UGT1A9: variants seen among roughly 807,000 people sequenced by gnomAD.
UGT1A9 encodes the protein UDP glucuronosyltransferase family 1 member A9.
In UGT1A9, 35 loss-of-function variants were observed where a neutral mutation model predicts 45.0. The ratio of observed to expected loss-of-function variants is 0.78; its 90% CI spans 0.59 to 1.03. The LOEUF is 1.03. Ranked by LOEUF, UGT1A9 falls within the 50% of genes least tolerant of loss-of-function variation. The pLI is 0.00. For synonymous variants in UGT1A9, 278 were observed against 250.6 expected, an observed-to-expected ratio of 1.11 and a Z score of -1.03; for missense variants, 687 against 666.6, an observed-to-expected ratio of 1.03 and a Z score of -0.34.
At chr2:233,760,186 C>G (rs1697340087) in intron 1 of UGT1A9, 1 of 1,558,442 alleles carries the variant, frequency 6.4e-7, no homozygotes, top group Admixed American at 1.8e-5. Flanking sequence ...TTTTTATAGT[C>G]ACGTGACACA....
chr2:233,723,946 G>C (rs1413540924), intron 1 of UGT1A9, among the ~76,000 whole-genome samples: 2 of 53,094 alleles, frequency 3.8e-5, no homozygotes, highest in Non-Finnish European at 6.6e-5. Flanking sequence ...ACACAGACAC[G>C]GCAACCATCC....
chr2:233,673,554 T>G (rs1393470534), intron 1 of UGT1A9, among the ~76,000 whole-genome samples: 4 of 152,064 alleles, frequency 2.6e-5, no homozygotes, highest in Non-Finnish European at 4.4e-5. Context: ...GGATTGGCAT[T>G]TTTTTGCTAT....
At chr2:233,722,148 A>T (rs2076994067) in intron 1 of UGT1A9, 1 of 162,512 alleles carries the variant, frequency 6.2e-6, no homozygotes, top group Non-Finnish European at 1.3e-5. Flanking sequence ...CTCCTGCAGG[A>T]CAAGATGTGT....
chr2:233,697,232 TTTTA>T (rs1162508467), intron 1 of UGT1A9, among the ~76,000 whole-genome samples: 1 of 152,140 alleles, frequency 6.6e-6, no homozygotes, highest in Non-Finnish European at 1.5e-5. Context: ...ATGAGAGACT[TTTTA>T]TTACTGCTTC....
chr2:233,704,789 A>G (rs1240438635), intron 1 of UGT1A9, among the ~76,000 whole-genome samples: 1 of 152,186 alleles, frequency 6.6e-6, no homozygotes, highest in East Asian at 1.9e-4. Context: ...TAGTCCCAAC[A>G]ATATAATTAT....
At chr2:233,757,428 A>G (rs987166652) in intron 1 of UGT1A9, among the ~76,000 whole-genome samples, 8 of 151,196 alleles carry the variant, frequency 5.3e-5, no homozygotes, top group South Asian at 2.1e-4. Flanking sequence ...AAGAGAAGAA[A>G]AGTCACTTCT....
rs74792728 is a variant in UGT1A9 at position 233,697,391 on chromosome 2, T to A, written c.855+24602T>A. Among the ~76,000 whole-genome samples the A allele has an allele frequency of 6.1e-3, 934 of 152,218 alleles. 11 individuals carry two copies. Among genetic ancestry groups the A allele is most frequent in the African/African-American group, 0.021 (887 of 41,568 alleles). ...TAGAGTTCACAATAATCGCTAATGA[T>A]CCTTTGTATTTCTGTGGTGTCAGTT... is the stretch of plus-strand genomic sequence containing the variant. On this transcript the variant is annotated intron_variant, in intron 1 of 4. Coordinates refer to ENST00000354728, the MANE Select transcript of UGT1A9 (RefSeq NM_021027.3).
chr2:233,772,145 G>A, intron 4 of UGT1A9, 117 bp from the exon 5 acceptor site: 1 of 1,552,040 alleles, frequency 6.4e-7, no homozygotes, highest in Non-Finnish European at 8.7e-7. Flanking sequence ...AATAGAAACA[G>A]GTTTCCTTTC....
chr2:233,703,131 T>C (rs189915613), intron 1 of UGT1A9, among the ~76,000 whole-genome samples: 2 of 152,336 alleles, frequency 1.3e-5, no homozygotes, highest in East Asian at 1.9e-4. Flanking sequence ...TTACCTGTTA[T>C]GGCTTTATTT....
In UGT1A9 at chr2:233,772,586, T is replaced by C. The variant is rs370727977; in HGVS notation, c.*27T>C. The C allele has an allele frequency of 3.7e-6, 6 of 1,604,570 alleles. No individual in the cohort carries two copies. The highest frequency in any genetic ancestry group is 5.1e-6 in the Non-Finnish European group (6 of 1,175,016). On this transcript the variant is annotated 3_prime_UTR_variant, in exon 5 of 5. Coordinates refer to ENST00000354728, the MANE Select transcript of UGT1A9 (RefSeq NM_021027.3). Reference sequence around the variant, plus strand: ...AAGTGGGTGGGAAATAAGGTAAAATTTTGAACCATTCCCTAGTCATTTCCA... The same window carrying C: ...AAGTGGGTGGGAAATAAGGTAAAATCTTGAACCATTCCCTAGTCATTTCCA...
intron 1 of UGT1A9, among the ~76,000 whole-genome samples, chr2:233,761,639 G>A (rs1340532947): frequency 3.9e-5 from 6 of 152,230 alleles, no homozygotes; most frequent in Non-Finnish European, 5.9e-5. Context: ...CCTGCAGTCC[G>A]TTCTCTTCTA....
intron 1 of UGT1A9, among the ~76,000 whole-genome samples, chr2:233,700,626 G>C (rs1477114109): frequency 6.6e-6 from 1 of 152,038 alleles, no homozygotes; most frequent in African/African-American, 2.4e-5. Flanking sequence ...GTTCCAGTAA[G>C]ATTTAATGAC....
Position 233,772,266 on chromosome 2 carries a change from AAGG to A in UGT1A9, c.1303_1305del (p.Glu435del). ...CGAAACTGTCTTTGTGTTTAGTTAC[AAGG>A]AGAACATCATGCGCCTCTCCAGCCT... is the stretch of plus-strand genomic sequence containing the variant. On this transcript the variant is annotated inframe_deletion, in exon 5 of 5. Coordinates refer to ENST00000354728, the MANE Select transcript of UGT1A9 (RefSeq NM_021027.3). 1 of 1,614,262 alleles carries A rather than the reference AAGG, an allele frequency of 6.2e-7. No homozygotes were observed. The highest frequency in any genetic ancestry group is 8.5e-7 in the Non-Finnish European group (1 of 1,180,048).
intron 1 of UGT1A9, among the ~76,000 whole-genome samples, chr2:233,697,492 TTTTG>T (rs1207342841): frequency 3.2e-4 from 49 of 151,868 alleles, no homozygotes; most frequent in African/African-American, 9.4e-4. Flanking sequence ...GGTTTGCCAA[TTTTG>T]TTTATCTTTT....
intron 1 of UGT1A9, chr2:233,750,470 T>A (rs1412262508): frequency 6.6e-6 from 1 of 151,972 alleles, no homozygotes; most frequent in Non-Finnish European, 1.5e-5. Context: ...AAATACTGGC[T>A]ATAGAAATTT....
At chr2:233,693,328 TCAGA>T (rs1300853040) in intron 1 of UGT1A9, 5 of 1,614,230 alleles carry the variant, frequency 3.1e-6, no homozygotes, top group Admixed American at 1.7e-5. Flanking sequence ...TAACTGCTCC[TCAGA>T]CAGAGTACAG....
At chr2:233,721,705 T>G in intron 1 of UGT1A9, 1 of 371,450 alleles carries the variant, frequency 2.7e-6, no homozygotes, top group South Asian at 2.1e-5. Flanking sequence ...ATGGCTCATC[T>G]TGGATGCTTT....
At chr2:233,716,325 T>G (rs1422472353) in intron 1 of UGT1A9, among the ~76,000 whole-genome samples, 1 of 152,228 alleles carries the variant, frequency 6.6e-6, no homozygotes, top group East Asian at 1.9e-4. Flanking sequence ...ATGGAATATA[T>G]TCCCAGGTTT....
chr2:233,760,180 T>A, intron 1 of UGT1A9: 1 of 1,548,272 alleles, frequency 6.5e-7, no homozygotes, highest in Non-Finnish European at 8.7e-7. Context: ...GACAGCTTTT[T>A]ATAGTCACGT....
Sources: gnomAD v4.1 joint callset for allele counts (sites outside exome capture counted in the v4.1 genomes callset) on GRCh38, gnomAD v4.1.1 for gene constraint, MANE v1.5 for transcripts, NCBI Gene and HGNC (gene_info 2026-07-23, HGNC 2026-07-21) for gene names.